The following SMS variants were observed in gnomAD, a reference collection of about 807,000 sequenced individuals.
The protein encoded by SMS is spermine synthase.
SMS carries 3 observed loss-of-function variants against 33.0 expected under a neutral mutation model. The ratio of observed to expected loss-of-function variants is 0.09; its 90% CI spans 0.04 to 0.23. The LOEUF is 0.23. SMS is among the 10% of genes least tolerant of loss of function. SMS has a pLI of 1.00. For missense variants in SMS, 117 were observed against 288.6 expected, an observed-to-expected ratio of 0.41 and a Z score of 4.31; for synonymous variants, 103 against 112.2, an observed-to-expected ratio of 0.92 and a Z score of 0.52.
chrX:21,994,230 A>G, intron 10 of SMS, 82 bp from the exon 11 acceptor site: 6 of 925,990 alleles, frequency 6.5e-6, no homozygotes, highest in African/African-American at 1.9e-5. Context: ...CCATCTTTCA[A>G]TTTGTAGGCC....
chrX:21,975,147 T>G (rs1005904861), intron 4 of SMS, among the ~76,000 whole-genome samples: 2 of 111,052 alleles, frequency 1.8e-5, no homozygotes, highest in African/African-American at 6.6e-5. Context: ...CCTGAATTGG[T>G]GTAGTCCAGT....
rs1925966347 is a variant in SMS, at chrX:21,994,602, CCCATTAGAATGTGAT to C, written c.*252_*266del. On this transcript the variant is annotated 3_prime_UTR_variant, in exon 11 of 11. Coordinates refer to ENST00000404933, the MANE Select transcript of SMS (RefSeq NM_004595.5). ...AAGACTGCTAAATGCACTGACCCCC[CCCATTAGAATGTGAT>C]TTTTGTTCCTTTTTATTTCTCTGTG... 1.1e-6 allele frequency: 1 copy of C among 915,922 alleles called. No individual in the cohort carries two copies. Among genetic ancestry groups the C allele is most frequent in the South Asian group, 5.3e-5 (1 of 18,776 alleles). 75.5% of individuals were successfully genotyped at this position (915,922 alleles called of 1,213,427 possible). A position where few individuals can be genotyped will look rare whatever the true frequency, so the allele number is the denominator to read the frequency against.
chrX:21,947,997 A>AT (rs971362754), intron 1 of SMS, among the ~76,000 whole-genome samples: 34 of 108,067 alleles, frequency 3.1e-4, no homozygotes, highest in South Asian at 2.0e-3. Context: ...TTGCTTTGTG[A>AT]TTTTTTTTTT....
rs1923172164 is a variant in SMS, at chrX:21,959,167, C to A, written c.50-8029C>A. 2.7e-5 allele frequency among the ~76,000 whole-genome samples: 3 copies of A among 112,608 alleles called. No homozygotes were observed. In the Admixed American group the frequency reaches 2.8e-4, roughly 11 times the overall value. ...TATAAAGCCAAGCTGTTAAGTAAGG[C>A]ATGCCAAAGGACCACCTGCTTGACC... On this transcript the variant is annotated intron_variant, in intron 1 of 10. Coordinates refer to ENST00000404933, the MANE Select transcript of SMS (RefSeq NM_004595.5).
chrX:21,956,370 G>A (rs1395237977), intron 1 of SMS, among the ~76,000 whole-genome samples: 1 of 112,634 alleles, frequency 8.9e-6, no homozygotes, highest in East Asian at 2.8e-4. Context: ...TGCAGCCTCT[G>A]CCTCCTGGGC....
intron 2 of SMS, 61 bp from the exon 3 acceptor site, chrX:21,971,836 C>CT: frequency 2.6e-6 from 2 of 767,577 alleles, no homozygotes; most frequent in Non-Finnish European, 4.0e-6. Flanking sequence ...CTCTCTCTCT[C>CT]TCTTTTTTTT....
intron 1 of SMS, among the ~76,000 whole-genome samples, chrX:21,961,220 G>C (rs11795630): frequency 0.027 from 2,887 of 108,569 alleles, 46 homozygotes; most frequent in Middle Eastern, 0.047. Flanking sequence ...GTTGATTCTG[G>C]GTTCTATATA....
At chrX:21,960,189 C>T (rs752857352) in intron 1 of SMS, among the ~76,000 whole-genome samples, 2 of 110,379 alleles carry the variant, frequency 1.8e-5, no homozygotes, top group South Asian at 3.9e-4. Flanking sequence ...TGGCATGATG[C>T]GATGATGGGG....
intron 3 of SMS, 47 bp downstream of exon 3, chrX:21,972,037 CTGCT>C (rs1324048745): frequency 6.0e-6 from 5 of 839,889 alleles, no homozygotes; most frequent in Non-Finnish European, 9.0e-6. Context: ...ATCATAGTAT[CTGCT>C]TAGCTTAGTG....
intron 1 of SMS, among the ~76,000 whole-genome samples, chrX:21,956,209 G>T (rs1417763060): frequency 1.8e-5 from 2 of 112,407 alleles, no homozygotes; most frequent in Non-Finnish European, 3.8e-5. Context: ...TGTTGGTGTT[G>T]TGTTTTTCTT....
At chrX:21,956,385 GCA>G (rs1922970896) in intron 1 of SMS, among the ~76,000 whole-genome samples, 1 of 112,653 alleles carries the variant, frequency 8.9e-6, no homozygotes, top group Admixed American at 9.4e-5. Context: ...CTGGGCTCAA[GCA>G]ATTCTCCTGC....
At chrX:21,958,982 GT>G (rs772511018) in intron 1 of SMS, among the ~76,000 whole-genome samples, 3 of 113,041 alleles carry the variant, frequency 2.7e-5, no homozygotes, top group Non-Finnish European at 5.6e-5. Context: ...GATAACCACA[GT>G]TTGCTTCTCC....
In SMS at chrX:21,954,402, A is replaced by G. The variant is rs57092089; in HGVS notation, c.50-12794A>G. On this transcript the variant is annotated intron_variant, in intron 1 of 10. Transcript: ENST00000404933. Reference sequence around the variant, plus strand: ...CCTGCCTTTAGACCATCTAGGTGCAATGATTTTGATTGCCCGTTTCAGAGC... The same window carrying G: ...CCTGCCTTTAGACCATCTAGGTGCAGTGATTTTGATTGCCCGTTTCAGAGC... 5.0e-3 allele frequency among the ~76,000 whole-genome samples: 562 copies of G among 112,360 alleles called. 2 individuals are homozygous for G. Among genetic ancestry groups the G allele is most frequent in the African/African-American group, 0.017 (538 of 30,935 alleles).
At chrX:21,970,214 C>T (rs1476081252) in intron 2 of SMS, among the ~76,000 whole-genome samples, 1 of 112,220 alleles carries the variant, frequency 8.9e-6, no homozygotes, top group Non-Finnish European at 1.9e-5. Context: ...CTCTCCTACC[C>T]ATGCATGGGC....
intron 9 of SMS, among the ~76,000 whole-genome samples, chrX:21,989,963 G>C (rs981296894): frequency 3.6e-5 from 4 of 111,024 alleles, no homozygotes; most frequent in Non-Finnish European, 7.5e-5. Context: ...TGCTGCTCTC[G>C]AACTCCTGAC....
At chrX:21,988,392 G>A (rs1350686799) in intron 9 of SMS, among the ~76,000 whole-genome samples, 1 of 111,188 alleles carries the variant, frequency 9.0e-6, no homozygotes, top group Admixed American at 9.7e-5. Flanking sequence ...TTGGCCGGGT[G>A]CGGTGGCTCA....
At chrX:21,946,082 A>AT (rs3216385) in intron 1 of SMS, among the ~76,000 whole-genome samples, 37,800 of 111,220 alleles carry the variant, frequency 0.34, 4,666 homozygotes, top group Admixed American at 0.47. Context: ...ACAGTGTGTG[A>AT]TTTTTTGGCC....
intron 1 of SMS, among the ~76,000 whole-genome samples, chrX:21,966,304 A>G (rs1304536995): frequency 8.9e-6 from 1 of 112,548 alleles, no homozygotes; most frequent in Non-Finnish European, 1.9e-5. Context: ...GAAAGTAAAG[A>G]GTAATTCCTC....
intron 7 of SMS, among the ~76,000 whole-genome samples, chrX:21,979,347 T>C (rs1228570809): frequency 9.1e-6 from 1 of 110,115 alleles, no homozygotes; most frequent in Non-Finnish European, 1.9e-5. Context: ...AATGCTATCC[T>C]TCCCCTAGCC....
Sources: allele counts gnomAD v4.1 joint callset (sites outside exome capture counted in the v4.1 genomes callset), GRCh38; gene constraint gnomAD v4.1.1; transcripts MANE v1.5; gene names NCBI Gene and HGNC (gene_info 2026-07-23, HGNC 2026-07-21).